The following TMOD3 variants were observed in gnomAD, a reference collection of about 807,000 sequenced individuals.
TMOD3 encodes the protein tropomodulin-3.
Under a neutral mutation model 39.2 loss-of-function variants are expected in TMOD3, and 20 were observed. The ratio of observed to expected loss-of-function variants is 0.51; its 90% CI spans 0.36 to 0.74. The LOEUF (loss-of-function observed/expected upper bound fraction) is 0.74. Ranked by LOEUF, TMOD3 falls within the 30% of genes least tolerant of loss-of-function variation. The probability of loss-of-function intolerance (pLI) is 0.00; values close to 1 mark genes in which losing one functional copy is unlikely to be tolerated. For synonymous variants in TMOD3, 143 were observed against 145.8 expected, an observed-to-expected ratio of 0.98 and a Z score of 0.14; for missense variants, 381 against 412.8, an observed-to-expected ratio of 0.92 and a Z score of 0.67.
chr15:51,859,517 A>G (rs1359500600), intron 1 of TMOD3: 2 of 628,928 alleles, frequency 3.2e-6, no homozygotes, highest in Non-Finnish European at 6.1e-6. Flanking sequence ...TGTAGCCACC[A>G]TGTTGATAAG....
intron 1 of TMOD3, chr15:51,860,532 A>C: frequency 1.7e-6 from 1 of 575,756 alleles, no homozygotes; most frequent in Non-Finnish European, 3.4e-6. Context: ...GCAGTCTTCC[A>C]TTTCCCATTT....
intron 9 of TMOD3, chr15:51,907,387 A>G (rs1226252494): frequency 6.6e-6 from 1 of 152,228 alleles, no homozygotes; most frequent in East Asian, 1.9e-4. Context: ...TGTTCGTGGG[A>G]ACCTGATACT....
chr15:51,877,153 C>G (rs1274630712), intron 3 of TMOD3, among the ~76,000 whole-genome samples: 2 of 152,144 alleles, frequency 1.3e-5, no homozygotes, highest in Non-Finnish European at 2.9e-5. Flanking sequence ...TCCTTACTTG[C>G]CAATTTTATC....
At chr15:51,849,991 C>A (rs888428044) in intron 1 of TMOD3, among the ~76,000 whole-genome samples, 7 of 150,978 alleles carry the variant, frequency 4.6e-5, no homozygotes, top group Non-Finnish European at 1.0e-4. Context: ...TAGCACTGTG[C>A]TGGCAAGATC....
chr15:51,837,921 A>G (rs1049649364), intron 1 of TMOD3, among the ~76,000 whole-genome samples: 2 of 152,328 alleles, frequency 1.3e-5, no homozygotes, highest in South Asian at 2.1e-4. Flanking sequence ...TGAATCTGGT[A>G]TAGCACACAA....
At chr15:51,908,209 T>TA (rs1443672349) in intron 9 of TMOD3, among the ~76,000 whole-genome samples, 1 of 152,260 alleles carries the variant, frequency 6.6e-6, no homozygotes, top group Non-Finnish European at 1.5e-5. Flanking sequence ...GCTGCCTGAA[T>TA]GTCACTTCAA....
intron 4 of TMOD3, 31 bp from the exon 5 acceptor site, chr15:51,889,025 C>A: frequency 7.0e-7 from 1 of 1,427,132 alleles, no homozygotes; most frequent in Non-Finnish European, 9.6e-7. Flanking sequence ...ATGTTTAAAA[C>A]AATAAAAACT....
chr15:51,889,613 C>A (rs2056582258), intron 5 of TMOD3, among the ~76,000 whole-genome samples: 2 of 152,140 alleles, frequency 1.3e-5, no homozygotes, highest in African/African-American at 4.8e-5. Context: ...TGGATCATGA[C>A]TGTAATTTCA....
chr15:51,861,657 C>CTT (rs550303054), intron 1 of TMOD3, among the ~76,000 whole-genome samples: 12 of 134,868 alleles, frequency 8.9e-5, no homozygotes, highest in East Asian at 2.2e-4. Context: ...GTACTAGGTA[C>CTT]TTTTTTTTTT....
chr15:51,856,661 A>G (rs1441021032), intron 1 of TMOD3, among the ~76,000 whole-genome samples: 1 of 152,168 alleles, frequency 6.6e-6, no homozygotes, highest in Non-Finnish European at 1.5e-5. Flanking sequence ...CACATTTGCC[A>G]ATGAACATAT....
intron 1 of TMOD3, among the ~76,000 whole-genome samples, chr15:51,836,640 G>A (rs865996746): frequency 2.4e-4 from 36 of 151,436 alleles, no homozygotes; most frequent in Admixed American, 8.6e-4. Flanking sequence ...CAGGAGAATC[G>A]CTTGAACCTG....
intron 3 of TMOD3, among the ~76,000 whole-genome samples, chr15:51,874,338 AAG>A (rs1252821297): frequency 6.6e-6 from 1 of 152,242 alleles, no homozygotes; most frequent in Non-Finnish European, 1.5e-5. Flanking sequence ...GAAAAGAAGA[AAG>A]TAATCCTAAT....
intron 3 of TMOD3, among the ~76,000 whole-genome samples, chr15:51,886,702 G>A (rs2056566216): frequency 6.6e-6 from 1 of 151,826 alleles, no homozygotes; most frequent in Non-Finnish European, 1.5e-5. Context: ...GAGAGGGAGA[G>A]GGAGACCGTG....
intron 1 of TMOD3, among the ~76,000 whole-genome samples, chr15:51,846,215 C>T (rs1386081413): frequency 6.6e-6 from 1 of 151,658 alleles, no homozygotes. Context: ...CCTATTGTCC[C>T]AGCTACTTGA....
At chr15:51,838,703 G>T (rs2056298555) in intron 1 of TMOD3, among the ~76,000 whole-genome samples, 1 of 152,096 alleles carries the variant, frequency 6.6e-6, no homozygotes, top group Non-Finnish European at 1.5e-5. Context: ...ACACCCTGAG[G>T]CAGGTGCCTC....
At chr15:51,860,184 G>C in intron 1 of TMOD3, 1 of 473,244 alleles carries the variant, frequency 2.1e-6, no homozygotes, top group East Asian at 5.4e-5. Flanking sequence ...AAGATCATCT[G>C]TGTGTAGAGC....
Position 51,906,794 on chromosome 15 carries a change from G to T in TMOD3, c.1025-1982G>T, listed in dbSNP as rs180914764. ...CCAGCACTTTGGGAGGCTGAGGCAGGCGGATCACCTGAGGTCAGGAGTTCG... is the reference window on the plus strand; with the variant it reads ...CCAGCACTTTGGGAGGCTGAGGCAGTCGGATCACCTGAGGTCAGGAGTTCG... On this transcript the variant is annotated intron_variant, in intron 9 of 9. Coordinates refer to ENST00000308580, the MANE Select transcript of TMOD3 (RefSeq NM_014547.5). Among the ~76,000 whole-genome samples, 270 of 152,286 alleles carry T rather than the reference G, an allele frequency of 1.8e-3. 2 individuals carry two copies. Among genetic ancestry groups the T allele is most frequent in the African/African-American group, 6.3e-3 (261 of 41,548 alleles).
chr15:51,875,385 T>G (rs747314853), intron 3 of TMOD3: 3 of 152,208 alleles, frequency 2.0e-5, no homozygotes, highest in Non-Finnish European at 4.4e-5. Flanking sequence ...ATGGGCTATT[T>G]ACATTAGTCA....
intron 6 of TMOD3, among the ~76,000 whole-genome samples, chr15:51,894,179 T>C (rs1193208615): frequency 6.6e-6 from 1 of 152,222 alleles, no homozygotes; most frequent in African/African-American, 2.4e-5. Context: ...CCCTACAAAC[T>C]GTCAGAATAA....
Sources: allele counts gnomAD v4.1 joint callset (sites outside exome capture counted in the v4.1 genomes callset), GRCh38; gene constraint gnomAD v4.1.1; transcripts MANE v1.5; gene names NCBI Gene and HGNC (gene_info 2026-07-23, HGNC 2026-07-21).